EVC2: variants seen among roughly 807,000 people sequenced by gnomAD.
EVC2 encodes limbin.
EVC2 carries 148 observed loss-of-function variants against 149.3 expected under a neutral mutation model. That is an observed-to-expected ratio of 0.99 (90% CI 0.87 to 1.14). EVC2 has a LOEUF of 1.14. EVC2 is among the 50% of genes most tolerant of loss of function. The pLI is 0.00. For missense variants in EVC2, 1,854 were observed against 1,627.3 expected (o/e 1.14, Z -2.40); for synonymous variants, 776 against 649.9 (o/e 1.19, Z -2.95).
At chr4:5,573,205 G>A (rs957445652) in intron 19 of EVC2, among the ~76,000 whole-genome samples, 6 of 152,292 alleles carry the variant, frequency 3.9e-5, no homozygotes, top group East Asian at 1.9e-4. Context: ...TGGGACCTGC[G>A]AAGATGTCAC....
Position 5,567,316 on chromosome 4 carries a change from T to G in EVC2, c.3557+1128A>C, listed in dbSNP as rs544995894. On this transcript the variant is annotated intron_variant, in intron 20 of 21. Transcript: ENST00000344408. This position sits in a 1 kb window ranked among gnomAD's most constrained non-coding sequence, Gnocchi z 4.4. ...CCCCCTCACCCTGGTCAGACTCTAT[T>G]CACCCTCAGCAGCGCTTCTTGGATT... 6.6e-6 allele frequency among the ~76,000 whole-genome samples: 1 copy of G among 152,298 alleles called. No individual in the cohort carries two copies. Among genetic ancestry groups the G allele is most frequent in the African/African-American group, 2.4e-5 (1 of 41,564 alleles).
downstream of EVC2, among the ~76,000 whole-genome samples, chr4:5,558,160 T>C (rs1395370442): frequency 6.6e-6 from 1 of 152,200 alleles, no homozygotes; most frequent in Non-Finnish European, 1.5e-5. Context: ...TTTCAAGACT[T>C]ACTATATAGC....
At chr4:5,695,669 C>T (rs562414356) in intron 2 of EVC2, among the ~76,000 whole-genome samples, 64 of 152,320 alleles carry the variant, frequency 4.2e-4, no homozygotes, top group African/African-American at 1.2e-3. Flanking sequence ...TAGATGTATC[C>T]AATGCTTCAA....
In EVC2 at chr4:5,686,449, A is replaced by G. The variant is rs934701699; in HGVS notation, c.707-970T>C. 6.6e-6 allele frequency among the ~76,000 whole-genome samples: 1 copy of G among 152,228 alleles called. No homozygotes were observed. Among genetic ancestry groups the G allele is most frequent in the African/African-American group, 2.4e-5 (1 of 41,456 alleles). On this transcript the variant is annotated intron_variant, in intron 5 of 21. Coordinates refer to ENST00000344408, the MANE Select transcript of EVC2 (RefSeq NM_147127.5). This position sits in a 1 kb window ranked among gnomAD's most constrained non-coding sequence, Gnocchi z 5.4. ...TGACAATGACGGGGAAAGAAGTCAT[A>G]GTCAGACCTTCCCCATACAGTGATT... is the stretch of plus-strand genomic sequence containing the variant.
At chr4:5,685,110 G>A (rs772988348) in intron 6 of EVC2, among the ~76,000 whole-genome samples, 1 of 152,194 alleles carries the variant, frequency 6.6e-6, no homozygotes, top group Non-Finnish European at 1.5e-5. Flanking sequence ...GAATTCACAT[G>A]TATTGATTAC....
At chr4:5,563,206 C>T in intron 21 of EVC2, 91 bp from the exon 22 acceptor site, 1 of 1,251,720 alleles carries the variant, frequency 8.0e-7, no homozygotes, top group Non-Finnish European at 1.1e-6. Flanking sequence ...CTCCTTGGGT[C>T]CTGAATTCCC....
chr4:5,542,937 A>C (rs1721542803), intron 22 of EVC2: 1 of 352,040 alleles, frequency 2.8e-6, no homozygotes, highest in South Asian at 2.2e-5. Flanking sequence ...ATCGGTAACC[A>C]ATGATTTTCT....
At position 5,685,486 on chromosome 4, in the gene EVC2, A is replaced by G. The variant is rs1398410175; in HGVS notation, c.707-7T>C. The G allele has an allele frequency of 6.2e-7, 1 of 1,613,766 alleles. No homozygotes were observed. The highest frequency in any genetic ancestry group is 1.3e-5 in the African/African-American group (1 of 75,044). ...ACAGCAAAGGCATCTCCCACTGCGC[A>G]GAGAAAAGCACATGTGACTCAGGGA... On this transcript the variant is annotated splice_region_variant and splice_polypyrimidine_tract_variant and intron_variant, in intron 5 of 21. Transcript: ENST00000344408.
intron 16 of EVC2, among the ~76,000 whole-genome samples, chr4:5,593,736 T>G (rs1227251875): frequency 6.6e-6 from 1 of 152,108 alleles, no homozygotes; most frequent in Non-Finnish European, 1.5e-5. Context: ...GTGGGTACAG[T>G]GCACCGTGCG....
intron 11 of EVC2, among the ~76,000 whole-genome samples, chr4:5,631,217 A>C (rs1027785882): frequency 6.6e-6 from 1 of 152,180 alleles, no homozygotes; most frequent in Non-Finnish European, 1.5e-5. Context: ...ATACATGCAC[A>C]CATACATGCA....
rs1716984822 is a variant in EVC2, at chr4:5,637,744, A to C, written c.1470+2770T>G. On this transcript the variant is annotated intron_variant, in intron 10 of 21. Coordinates refer to ENST00000344408, the MANE Select transcript of EVC2 (RefSeq NM_147127.5). This position sits in a 1 kb window ranked among gnomAD's most constrained non-coding sequence, Gnocchi z 4.4. ...GTATCTCCAGGGTTAGGTATACAAT[A>C]GAAACTCAACAATGGGCAGAATGAA... Among the ~76,000 whole-genome samples the C allele has an allele frequency of 6.6e-6, 1 of 151,922 alleles. No individual in the cohort carries two copies. The highest frequency in any genetic ancestry group is 2.4e-5 in the African/African-American group (1 of 41,388).
intron 1 of EVC2, among the ~76,000 whole-genome samples, chr4:5,702,807 C>T (rs970534207): frequency 2.0e-5 from 3 of 152,186 alleles, no homozygotes; most frequent in Admixed American, 6.5e-5. Context: ...TTGGGTTAGA[C>T]AAGTCTGGGT....
At chr4:5,680,773 T>C (rs1036819133) in intron 7 of EVC2, among the ~76,000 whole-genome samples, 1 of 152,230 alleles carries the variant, frequency 6.6e-6, no homozygotes, top group African/African-American at 2.4e-5. Context: ...CGTGAAGTGT[T>C]GTTACCTGGT....
chr4:5,571,389 C>T (rs930032941), intron 19 of EVC2, among the ~76,000 whole-genome samples: 7 of 149,302 alleles, frequency 4.7e-5, no homozygotes, highest in Non-Finnish European at 8.9e-5. Flanking sequence ...GCACCAAAAT[C>T]TCAGAAATCA....
chr4:5,545,406 G>A (rs753494092), intron 21 of EVC2, among the ~76,000 whole-genome samples: 1 of 152,192 alleles, frequency 6.6e-6, no homozygotes, highest in Non-Finnish European at 1.5e-5. Flanking sequence ...TGGTGACTCT[G>A]AGGGAATTAC....
intron 7 of EVC2, 71 bp from the exon 8 acceptor site, chr4:5,665,720 TGA>T: frequency 6.3e-7 from 1 of 1,587,920 alleles, no homozygotes; most frequent in South Asian, 1.1e-5. Context: ...CACAGATGAT[TGA>T]GTGTCAGAGC....
chr4:5,595,772 G>C (rs185408056), intron 16 of EVC2, among the ~76,000 whole-genome samples: 4 of 152,224 alleles, frequency 2.6e-5, no homozygotes, highest in African/African-American at 9.6e-5. Context: ...ACACAGACTG[G>C]CAAATTGGAT....
chr4:5,623,049 G>A (rs1055171529), intron 13 of EVC2, 58 bp from the exon 14 acceptor site: 1 of 1,512,526 alleles, frequency 6.6e-7, no homozygotes, highest in African/African-American at 1.4e-5. Context: ...ACAGTCCTTT[G>A]GCTGAAACAC....
intron 16 of EVC2, among the ~76,000 whole-genome samples, chr4:5,607,803 A>T (rs56391449): frequency 6.6e-6 from 1 of 152,054 alleles, no homozygotes; most frequent in Non-Finnish European, 1.5e-5. Context: ...AACTGTGAAC[A>T]TCTCAAAAGC....
Sources: allele counts gnomAD v4.1 joint callset (sites outside exome capture counted in the v4.1 genomes callset), GRCh38; gene constraint gnomAD v4.1.1; non-coding constraint Gnocchi (gnomAD v3.1); transcripts MANE v1.5; gene names NCBI Gene and HGNC (gene_info 2026-07-23, HGNC 2026-07-21).